HERC1: variants seen among roughly 807,000 people sequenced by gnomAD.
HERC1 encodes the protein probable E3 ubiquitin-protein ligase HERC1.
HERC1 carries 160 observed loss-of-function variants against 554.3 expected under a neutral mutation model. That is an observed-to-expected ratio of 0.29 (90% CI 0.25 to 0.33). The LOEUF is 0.33. Among genes scored for constraint, HERC1 ranks in the 10% least tolerant of loss-of-function variants. The probability of loss-of-function intolerance (pLI) is 1.00; values close to 1 mark genes in which losing one functional copy is unlikely to be tolerated. For missense variants in HERC1, 4,919 were observed against 5,918.5 expected, an observed-to-expected ratio of 0.83 and a Z score of 5.54; for synonymous variants, 2,175 against 2,131.7, an observed-to-expected ratio of 1.02 and a Z score of -0.56.
intron 19 of HERC1, among the ~76,000 whole-genome samples, chr15:63,722,798 G>C (rs143331314): frequency 1.5e-4 from 23 of 152,086 alleles, no homozygotes; most frequent in Middle Eastern, 3.4e-3. Context: ...CTTTACCATG[G>C]GCAAGTATGT....
chr15:63,799,668 A>C (rs183040974), intron 1 of HERC1, among the ~76,000 whole-genome samples: 2 of 152,308 alleles, frequency 1.3e-5, no homozygotes, highest in East Asian at 3.9e-4. Flanking sequence ...AAAATATAGA[A>C]TTTGAGGAAA....
chr15:63,746,902 A>G lies in HERC1; in HGVS notation c.2520+16T>C. On this transcript the variant is annotated intron_variant, in intron 12 of 77. Transcript: ENST00000443617. ...ACGTGGTTTGAGATACAGATTCACAAGTCCTATTCTCTTACCTCTTGGATT... is the reference window on the plus strand; with the variant it reads ...ACGTGGTTTGAGATACAGATTCACAGGTCCTATTCTCTTACCTCTTGGATT... 2 of 1,549,308 alleles carry G rather than the reference A, an allele frequency of 1.3e-6. No homozygotes were observed. The highest frequency in any genetic ancestry group is 1.7e-6 in the Non-Finnish European group (2 of 1,144,954).
At chr15:63,730,952 A>G (rs796190650) in intron 14 of HERC1, among the ~76,000 whole-genome samples, 9 of 152,346 alleles carry the variant, frequency 5.9e-5, no homozygotes, top group African/African-American at 2.2e-4. Flanking sequence ...CTACTCAAAG[A>G]AAGTGACTGC....
chr15:63,645,236 C>A (rs1056937582), intron 56 of HERC1, 139 bp from the exon 57 acceptor site: 1 of 719,078 alleles, frequency 1.4e-6, no homozygotes, highest in Non-Finnish European at 2.3e-6. Context: ...CAATCTTTTA[C>A]AAGAAATACA....
intron 70 of HERC1, among the ~76,000 whole-genome samples, chr15:63,627,061 T>C (rs945919535): frequency 2.6e-5 from 4 of 152,178 alleles, no homozygotes; most frequent in Non-Finnish European, 5.9e-5. Flanking sequence ...CTGGATAGCT[T>C]CTGCCCTAAA....
rs74021327 is a variant in HERC1, at chr15:63,718,523, G to C, written c.3978+51C>G. 2.0e-3 allele frequency: 2,968 copies of C among 1,506,198 alleles called. 40 individuals carry two copies. In the African/African-American group the frequency reaches 0.036, roughly 18 times the overall value. The allele number at this position is 1,506,198 out of a possible 1,614,324, so 93.3% of individuals were successfully genotyped here. ...TCTCACATAAACCAATTTAGAGCTA[G>C]CTCTCACAGCTTGCAGAAAAACATA... On this transcript the variant is annotated intron_variant, in intron 21 of 77. Transcript: ENST00000443617. This position sits in a 1 kb window ranked among gnomAD's most constrained non-coding sequence, Gnocchi z 4.2.
chr15:63,676,116 G>A (rs1040343236), intron 37 of HERC1, among the ~76,000 whole-genome samples: 6 of 151,996 alleles, frequency 3.9e-5, no homozygotes, highest in African/African-American at 7.3e-5. Flanking sequence ...TGGCCAGGCC[G>A]GTCTCAAACT....
chr15:63,788,117 T>G (rs1286347018), intron 1 of HERC1, among the ~76,000 whole-genome samples: 2 of 152,050 alleles, frequency 1.3e-5, no homozygotes, highest in African/African-American at 2.4e-5. Flanking sequence ...TATAAAATTG[T>G]AGGAAAATGA....
In HERC1 at chr15:63,617,691, G is replaced by A. The variant is rs571995865; in HGVS notation, c.13689-1009C>T. On this transcript the variant is annotated intron_variant, in intron 74 of 77. Transcript: ENST00000443617. ...ACCTGTTGTTTCCTGACTTCTTAAT[G>A]ATCGCCATTCTAATTGGTGTGAGAT... Among the ~76,000 whole-genome samples the A allele has an allele frequency of 1.1e-3, 172 of 152,244 alleles. 1 individual carries two copies. The highest frequency in any genetic ancestry group is 4.1e-3 in the African/African-American group (170 of 41,528).
At chr15:63,757,089 A>C (rs1024920353) in intron 4 of HERC1, among the ~76,000 whole-genome samples, 2 of 152,052 alleles carry the variant, frequency 1.3e-5, no homozygotes, top group Non-Finnish European at 2.9e-5. Flanking sequence ...CTTAGGGTAC[A>C]TTATGGCAAG....
At chr15:63,690,442 A>G (rs749650491) in intron 32 of HERC1, 99 bp downstream of exon 32, 1 of 738,946 alleles carries the variant, frequency 1.4e-6, no homozygotes, top group Non-Finnish European at 2.2e-6. Flanking sequence ...CTATTGAATA[A>G]AAGACACATT....
Position 63,789,093 on chromosome 15 carries a change from T to G in HERC1, c.-26-13444A>C, listed in dbSNP as rs1262670228. Among the ~76,000 whole-genome samples the G allele has an allele frequency of 3.5e-3, 422 of 119,378 alleles. 6 individuals are homozygous for G. Among genetic ancestry groups the G allele is most frequent in the Non-Finnish European group, 4.3e-3 (245 of 56,610 alleles). 78.3% of individuals were successfully genotyped at this position (119,378 alleles called of 152,430 possible). ...GGAATAAAAGGTTTTTTTTTTTTTT[T>G]TTTTTTTTTTTTTTTGAGACGGAGT... On this transcript the variant is annotated intron_variant, in intron 1 of 77. Coordinates refer to ENST00000443617, the MANE Select transcript of HERC1 (RefSeq NM_003922.4).
At chr15:63,670,017 G>A (rs996665443) in intron 39 of HERC1, among the ~76,000 whole-genome samples, 3 of 152,174 alleles carry the variant, frequency 2.0e-5, no homozygotes, top group Non-Finnish European at 2.9e-5. Context: ...ACCAAGATAA[G>A]AGGGGTAATT....
intron 1 of HERC1, among the ~76,000 whole-genome samples, chr15:63,794,614 T>C (rs1398976681): frequency 6.6e-6 from 1 of 152,172 alleles, no homozygotes; most frequent in Non-Finnish European, 1.5e-5. Context: ...CCAAAGATTT[T>C]AGGAGTTATA....
intron 1 of HERC1, among the ~76,000 whole-genome samples, chr15:63,832,013 G>C (rs74019051): frequency 0.012 from 1,875 of 152,222 alleles, 35 homozygotes; most frequent in African/African-American, 0.043. Flanking sequence ...TAAAAGTTTA[G>C]AATTACAAGA....
At chr15:63,823,585 A>G (rs533357080) in intron 1 of HERC1, among the ~76,000 whole-genome samples, 3 of 152,324 alleles carry the variant, frequency 2.0e-5, no homozygotes, top group African/African-American at 7.2e-5. Flanking sequence ...GAACCTCAGA[A>G]CATTGACAAT....
chr15:63,660,339 A>G (rs149912176), intron 46 of HERC1, among the ~76,000 whole-genome samples: 1 of 152,040 alleles, frequency 6.6e-6, no homozygotes, highest in Non-Finnish European at 1.5e-5. Flanking sequence ...AAAACAATAA[A>G]TAAATAAATA....
intron 64 of HERC1, 68 bp from the exon 65 acceptor site, chr15:63,636,210 T>G: frequency 2.0e-5 from 27 of 1,327,406 alleles, no homozygotes; most frequent in Non-Finnish European, 2.9e-5. Flanking sequence ...TTGCAGCTGC[T>G]ACTGAATACC....
intron 3 of HERC1, 65 bp downstream of exon 3, chr15:63,764,031 G>T: frequency 1.0e-6 from 1 of 960,274 alleles, no homozygotes. Flanking sequence ...ATTTTTAAGG[G>T]ATAAATACAT....
Sources: gnomAD v4.1 joint callset for allele counts (sites outside exome capture counted in the v4.1 genomes callset) on GRCh38, gnomAD v4.1.1 for gene constraint, Gnocchi (gnomAD v3.1) non-coding constraint, MANE v1.5 for transcripts, NCBI Gene and HGNC (gene_info 2026-07-23, HGNC 2026-07-21) for gene names.